Variants in USH2A observed in about 807,000 individuals in gnomAD.
The protein encoded by USH2A is Usher syndrome 2A (autosomal recessive, mild).
Under a neutral mutation model 538.9 loss-of-function variants are expected in USH2A, and 443 were observed. That is an observed-to-expected ratio of 0.82 (90% CI 0.76 to 0.89). The LOEUF (loss-of-function observed/expected upper bound fraction) is 0.89, where lower values mean the gene tolerates loss of function less well. Ranked by LOEUF, USH2A falls within the 40% of genes least tolerant of loss-of-function variation. The pLI, the probability that USH2A is intolerant of heterozygous loss-of-function variation, is 0.00. For missense variants in USH2A, 6,633 were observed against 6,324.8 expected (o/e 1.05, Z -1.65); for synonymous variants, 2,413 against 2,273.5 (o/e 1.06, Z -1.75).
At chr1:216,018,952 G>C (rs1303871991) in intron 32 of USH2A, among the ~76,000 whole-genome samples, 1 of 151,964 alleles carries the variant, frequency 6.6e-6, no homozygotes, top group Non-Finnish European at 1.5e-5. Flanking sequence ...ACCTAGTATA[G>C]TGCCTATTAC....
At chr1:215,973,823 A>C (rs1226044581) in intron 35 of USH2A, among the ~76,000 whole-genome samples, 2 of 152,070 alleles carry the variant, frequency 1.3e-5, no homozygotes, top group African/African-American at 4.8e-5. Context: ...TAAGCTGAGA[A>C]TGAAATTAAG....
intron 30 of USH2A, among the ~76,000 whole-genome samples, chr1:216,067,425 A>G (rs2031414751): frequency 6.6e-6 from 1 of 151,944 alleles, no homozygotes; most frequent in Non-Finnish European, 1.5e-5. Context: ...TTAAAAAAAA[A>G]AGAAAGAAAG....
intron 35 of USH2A, among the ~76,000 whole-genome samples, chr1:215,973,329 C>T (rs1252507129): frequency 1.3e-5 from 2 of 152,060 alleles, no homozygotes; most frequent in African/African-American, 4.8e-5. Flanking sequence ...TAAATCTCAT[C>T]CCCTTAAGTA....
chr1:216,254,859 G>T (rs80236697), intron 11 of USH2A, among the ~76,000 whole-genome samples: 4,290 of 152,202 alleles, frequency 0.028, 210 homozygotes, highest in African/African-American at 0.099. Context: ...AAATAAATAC[G>T]CAATTTTTAT....
At chr1:216,287,378 T>G (rs1312064659) in intron 11 of USH2A, among the ~76,000 whole-genome samples, 1 of 152,182 alleles carries the variant, frequency 6.6e-6, no homozygotes, top group African/African-American at 2.4e-5. Flanking sequence ...ATCCAATAAT[T>G]AGCTCCACTT....
chr1:215,721,945 G>A (rs374710810), intron 61 of USH2A, among the ~76,000 whole-genome samples: 6 of 151,980 alleles, frequency 3.9e-5, no homozygotes, highest in Middle Eastern at 3.4e-3. Context: ...TGCACCTATA[G>A]TCCCAGCTAC....
At chr1:216,029,495 G>T (rs1571901636) in intron 32 of USH2A, among the ~76,000 whole-genome samples, 1 of 151,992 alleles carries the variant, frequency 6.6e-6, no homozygotes, top group African/African-American at 2.4e-5. Context: ...TGTGTGTATA[G>T]CCAGAAAAAT....
chr1:216,209,192 G>A (rs1463558839), intron 15 of USH2A, among the ~76,000 whole-genome samples: 1 of 152,354 alleles, frequency 6.6e-6, no homozygotes, highest in African/African-American at 2.4e-5. Flanking sequence ...CTCAGGGACA[G>A]AAATGACTGT....
At chr1:216,296,630 A>G (rs2037110655) in intron 9 of USH2A, among the ~76,000 whole-genome samples, 1 of 152,096 alleles carries the variant, frequency 6.6e-6, no homozygotes, top group Non-Finnish European at 1.5e-5. Flanking sequence ...CAATTCACAA[A>G]CAAGGTGACA....
At chr1:215,882,538 T>C (rs1048945758) in intron 41 of USH2A, among the ~76,000 whole-genome samples, 1 of 152,162 alleles carries the variant, frequency 6.6e-6, no homozygotes, top group Non-Finnish European at 1.5e-5. Context: ...TACAAATATA[T>C]AAATACAAGA....
intron 4 of USH2A, among the ~76,000 whole-genome samples, chr1:216,362,494 T>C (rs1018719297): frequency 1.3e-5 from 2 of 152,204 alleles, no homozygotes; most frequent in African/African-American, 4.8e-5. Flanking sequence ...AATGAGGTTA[T>C]AAATTTTCAC....
At chr1:215,993,437 G>A (rs929333669) in intron 34 of USH2A, among the ~76,000 whole-genome samples, 1 of 151,806 alleles carries the variant, frequency 6.6e-6, no homozygotes, top group Non-Finnish European at 1.5e-5. Flanking sequence ...GCCTAGAGAT[G>A]TAGGGCATAT....
chr1:215,682,857 A>G (rs1658283487), intron 61 of USH2A, among the ~76,000 whole-genome samples: 1 of 151,094 alleles, frequency 6.6e-6, no homozygotes, highest in Non-Finnish European at 1.5e-5. Context: ...TTATTTATTT[A>G]TTTATTTAAT....
At chr1:215,848,705 T>C (rs1472926441) in intron 44 of USH2A, among the ~76,000 whole-genome samples, 1 of 152,180 alleles carries the variant, frequency 6.6e-6, no homozygotes, top group African/African-American at 2.4e-5. Context: ...TCTGGCCTAT[T>C]CTCCCTGTTT....
At chr1:215,980,356 T>C (rs113900370) in intron 35 of USH2A, among the ~76,000 whole-genome samples, 2 of 152,206 alleles carry the variant, frequency 1.3e-5, no homozygotes, top group African/African-American at 4.8e-5. Flanking sequence ...GTGTCGGCAC[T>C]GAAGCATTCA....
At chr1:216,083,844 A>G (rs1042513024) in intron 25 of USH2A, among the ~76,000 whole-genome samples, 1 of 152,170 alleles carries the variant, frequency 6.6e-6, no homozygotes, top group African/African-American at 2.4e-5. Context: ...TGTCTGTATC[A>G]TGTAAGATTA....
intron 61 of USH2A, among the ~76,000 whole-genome samples, chr1:215,702,147 C>A (rs1411993965): frequency 6.6e-6 from 1 of 152,136 alleles, no homozygotes; most frequent in Non-Finnish European, 1.5e-5. Flanking sequence ...AATATTGGCC[C>A]CCACTCTCTT....
chr1:216,355,347 G>C (rs2038369568), intron 4 of USH2A, among the ~76,000 whole-genome samples: 1 of 148,376 alleles, frequency 6.7e-6, no homozygotes, highest in South Asian at 2.1e-4. Context: ...AAGAAAGAAA[G>C]AAAGAAAGAA....
chr1:216,017,596 G>A (rs1379625717), intron 32 of USH2A, among the ~76,000 whole-genome samples: 1 of 152,158 alleles, frequency 6.6e-6, no homozygotes, highest in Non-Finnish European at 1.5e-5. Context: ...GGCAACAGAA[G>A]TTAATAATGA....
Sources: gnomAD v4.1 joint callset for allele counts (sites outside exome capture counted in the v4.1 genomes callset) on GRCh38, gnomAD v4.1.1 for gene constraint, MANE v1.5 for transcripts, NCBI Gene and HGNC (gene_info 2026-07-23, HGNC 2026-07-21) for gene names.